The following ROR1 variants were observed in gnomAD, a reference collection of about 807,000 sequenced individuals.
The protein encoded by ROR1 is ROR family WNT receptor 1.
A neutral mutation model predicts 78.8 loss-of-function variants in ROR1; 19 were observed. The observed-to-expected ratio is 0.24, with a 90% CI of 0.17 to 0.35. ROR1 has a LOEUF of 0.35. ROR1 is among the 10% of genes least tolerant of loss of function. ROR1 has a pLI of 1.00. For synonymous variants in ROR1, 386 were observed against 433.6 expected, an observed-to-expected ratio of 0.89 and a Z score of 1.36; for missense variants, 917 against 1,177.8, an observed-to-expected ratio of 0.78 and a Z score of 3.24.
intron 1 of ROR1, among the ~76,000 whole-genome samples, chr1:63,938,521 G>T (rs539380233): frequency 1.3e-5 from 2 of 152,248 alleles, no homozygotes; most frequent in South Asian, 2.1e-4. Flanking sequence ...TGAGGCCTGA[G>T]TGTGCCCACT....
chr1:63,939,814 A>G (rs1645822050), intron 1 of ROR1, among the ~76,000 whole-genome samples: 1 of 152,172 alleles, frequency 6.6e-6, no homozygotes. Flanking sequence ...GAGTTAATGC[A>G]TTCAGCTTTC....
In ROR1 at chr1:64,071,582, G is replaced by GACACACACACACAC. The variant is rs546971973; in HGVS notation, c.482+20870_482+20883dup. ...TCCCCCCCGCCCCACCACCCACACA[G>GACACACACACACAC]ACACACACACACACACAGACACACA... is the stretch of plus-strand genomic sequence containing the variant. On this transcript the variant is annotated intron_variant, in intron 4 of 8. Coordinates refer to ENST00000371079, the MANE Select transcript of ROR1 (RefSeq NM_005012.4). Among the ~76,000 whole-genome samples the GACACACACACACAC allele has an allele frequency of 1.1e-3, 117 of 106,470 alleles. 1 individual carries two copies. The highest frequency in any genetic ancestry group is 0.011 in the Middle Eastern group (2 of 182). 69.8% of individuals were successfully genotyped at this position (106,470 alleles called of 152,430 possible).
At position 64,137,351 on chromosome 1, in the gene ROR1, G is replaced by A. The variant is rs1186238392; in HGVS notation, c.483-18G>A. On this transcript the variant is annotated intron_variant, in intron 4 of 8. Coordinates refer to ENST00000371079, the MANE Select transcript of ROR1 (RefSeq NM_005012.4). ...GTATGTGGTGCATCAGCTAATGTCT[G>A]TCTATGCTTTCTTTCAGAGATGAGT... The A allele has an allele frequency of 6.2e-7, 1 of 1,613,524 alleles. No homozygotes were observed. Among genetic ancestry groups the A allele is most frequent in the East Asian group, 2.2e-5 (1 of 44,882 alleles).
chr1:63,909,830 A>T (rs1048875197), intron 1 of ROR1, among the ~76,000 whole-genome samples: 6 of 152,136 alleles, frequency 3.9e-5, no homozygotes, highest in Non-Finnish European at 7.3e-5. Context: ...CCTCAGTCTC[A>T]CTTCCTGGCT....
chr1:64,103,595 G>A (rs1647660745), intron 4 of ROR1, among the ~76,000 whole-genome samples: 1 of 152,158 alleles, frequency 6.6e-6, no homozygotes, highest in African/African-American at 2.4e-5. Flanking sequence ...CTGAGGCTTT[G>A]AGAACTTAGT....
intron 1 of ROR1, among the ~76,000 whole-genome samples, chr1:63,903,913 A>G (rs1352798446): frequency 1.3e-5 from 2 of 152,290 alleles, no homozygotes; most frequent in South Asian, 4.1e-4. Flanking sequence ...GTGTCCAGTA[A>G]AAGAGGTAAA....
At position 64,014,773 on chromosome 1, in the gene ROR1, T is replaced by TATACACAC. The variant is rs71056017; in HGVS notation, c.163+5398_163+5399insTACACACA. On this transcript the variant is annotated intron_variant, in intron 2 of 8. Coordinates refer to ENST00000371079, the MANE Select transcript of ROR1 (RefSeq NM_005012.4). ...ATATATATATATATATATATATATA[T>TATACACAC]ACACATTTTGTCCTGGTTTGCCTTT... Among the ~76,000 whole-genome samples, 311 of 46,916 alleles carry TATACACAC rather than the reference T, an allele frequency of 6.6e-3. 35 individuals carry two copies. Among genetic ancestry groups the TATACACAC allele is most frequent in the Non-Finnish European group, 0.011 (235 of 21,528 alleles). The allele number at this position is 46,916 out of a possible 152,430, so 30.8% of individuals were successfully genotyped here.
At chr1:63,891,266 A>G (rs574720075) in intron 1 of ROR1, among the ~76,000 whole-genome samples, 18 of 152,326 alleles carry the variant, frequency 1.2e-4, no homozygotes, top group African/African-American at 4.3e-4. Flanking sequence ...GCAAAATAAA[A>G]GTATTTCTCT....
rs150545478 is a variant in ROR1, at chr1:64,142,449, G to A, written c.973G>A (p.Val325Ile). 32 of 1,614,016 alleles carry A rather than the reference G, an allele frequency of 2.0e-5. 1 individual carries two copies. Among genetic ancestry groups the A allele is most frequent in the African/African-American group, 1.5e-4 (11 of 74,916 alleles). Residue 325 changes from valine (V) to isoleucine (I), a missense_variant, in exon 7 of 9, where the codon GTC becomes ATC. Around this residue, in one of 3 missense-constraint regions of ROR1, gnomAD observed 835 missense variants for 1,069.8 expected, o/e 0.78. Coordinates refer to ENST00000371079, the MANE Select transcript of ROR1 (RefSeq NM_005012.4). ...CACAGGTGTGGACTACCGGGGGACC[G>A]TCAGTGTGACCAAATCAGGGCGCCA... ...NSTGVDYRGTVSVTKSGRQCQ... is the reference protein window; with the variant it reads ...NSTGVDYRGTISVTKSGRQCQ...
chr1:64,023,222 C>T (rs1340009105), intron 2 of ROR1, among the ~76,000 whole-genome samples: 2 of 152,138 alleles, frequency 1.3e-5, no homozygotes, highest in Non-Finnish European at 2.9e-5. Context: ...CATCCTGCAT[C>T]GAGTCAGAGG....
intron 1 of ROR1, among the ~76,000 whole-genome samples, chr1:63,928,926 G>T (rs952514137): frequency 6.6e-6 from 1 of 152,150 alleles, no homozygotes; most frequent in African/African-American, 2.4e-5. Flanking sequence ...TGTGCCCTCT[G>T]TCAGGCCCTG....
intron 1 of ROR1, among the ~76,000 whole-genome samples, chr1:63,867,702 C>T (rs1645225351): frequency 6.6e-6 from 1 of 152,178 alleles, no homozygotes; most frequent in South Asian, 2.1e-4. Flanking sequence ...AAATATTCCC[C>T]ATCTAATAAA....
intron 1 of ROR1, among the ~76,000 whole-genome samples, chr1:63,976,181 G>A (rs1267042497): frequency 2.0e-5 from 3 of 152,182 alleles, no homozygotes; most frequent in Non-Finnish European, 4.4e-5. Flanking sequence ...ATGTCATGGA[G>A]TGTGAGTTCT....
intron 1 of ROR1, among the ~76,000 whole-genome samples, chr1:63,889,403 T>A (rs1645379076): frequency 6.6e-6 from 1 of 151,986 alleles, no homozygotes; most frequent in South Asian, 2.1e-4. Flanking sequence ...CTCAGAGAGG[T>A]TCCATAAGTT....
intron 2 of ROR1, among the ~76,000 whole-genome samples, chr1:64,017,167 A>G (rs1367322200): frequency 2.0e-5 from 3 of 151,928 alleles, no homozygotes; most frequent in Admixed American, 1.3e-4. Flanking sequence ...CGGCCCCCCA[A>G]AGTGCTGGGA....
At chr1:64,005,252 T>C (rs1646418654) in intron 1 of ROR1, among the ~76,000 whole-genome samples, 1 of 152,262 alleles carries the variant, frequency 6.6e-6, no homozygotes, top group African/African-American at 2.4e-5. Flanking sequence ...CTGGACACTG[T>C]ACAGGAGTCT....
At chr1:63,867,790 A>C (rs1645225874) in intron 1 of ROR1, among the ~76,000 whole-genome samples, 2 of 152,250 alleles carry the variant, frequency 1.3e-5, no homozygotes, top group African/African-American at 4.8e-5. Context: ...CTAGGATAAG[A>C]TCCATAGGTT....
intron 1 of ROR1, among the ~76,000 whole-genome samples, chr1:63,976,325 C>T (rs1345795905): frequency 6.6e-6 from 1 of 152,164 alleles, no homozygotes; most frequent in Admixed American, 6.5e-5. Context: ...TCTCATAATG[C>T]TTTTTGCACT....
At chr1:64,133,908 T>A (rs1439226094) in intron 4 of ROR1, among the ~76,000 whole-genome samples, 1 of 152,196 alleles carries the variant, frequency 6.6e-6, no homozygotes, top group African/African-American at 2.4e-5. Context: ...TTTGTTCCCC[T>A]CCAGCCAAAG....
Sources: allele counts gnomAD v4.1 joint callset (sites outside exome capture counted in the v4.1 genomes callset), GRCh38; gene constraint gnomAD v4.1.1; regional missense constraint gnomAD v4.1.1; transcripts MANE v1.5; gene names NCBI Gene and HGNC (gene_info 2026-07-23, HGNC 2026-07-21).